PCNX2: variants seen among roughly 807,000 people sequenced by gnomAD.
PCNX2 encodes the protein pecanex 2.
In PCNX2, 168 loss-of-function variants were observed where a neutral mutation model predicts 223.8. That is an observed-to-expected ratio of 0.75 (90% CI 0.66 to 0.85). The LOEUF (loss-of-function observed/expected upper bound fraction) is 0.85, where lower values mean the gene tolerates loss of function less well. Ranked by LOEUF, PCNX2 falls within the 40% of genes least tolerant of loss-of-function variation. The pLI is 0.00. For missense variants in PCNX2, 2,507 were observed against 2,675.5 expected, an observed-to-expected ratio of 0.94 and a Z score of 1.39; for synonymous variants, 1,006 against 1,052.6, an observed-to-expected ratio of 0.96 and a Z score of 0.86.
At chr1:233,261,962 A>G in intron 3 of PCNX2, 83 bp downstream of exon 3, 1 of 1,563,656 alleles carries the variant, frequency 6.4e-7, no homozygotes, top group Non-Finnish European at 8.8e-7. Flanking sequence ...AGCTACAATC[A>G]CTGCTGCTGA....
intron 8 of PCNX2, chr1:233,241,269 T>A (rs1658746930): frequency 1.0e-6 from 1 of 985,242 alleles, no homozygotes; most frequent in Non-Finnish European, 1.2e-6. Context: ...CTGACTGCCA[T>A]CATGTGGCAG....
At chr1:233,038,868 A>G (rs777943203) in intron 25 of PCNX2, among the ~76,000 whole-genome samples, 11 of 152,254 alleles carry the variant, frequency 7.2e-5, no homozygotes, top group Non-Finnish European at 1.5e-4. Context: ...TAGCCAAACT[A>G]TGAGATGGCT....
rs772854704 is a variant in PCNX2, at chr1:232,998,434, G to A, written c.5608C>T (p.Arg1870Trp). Residue 1870 changes from arginine (R) to tryptophan (W), a missense_variant, in exon 32 of 34, where the codon CGG becomes TGG. Arg to Trp is a moderately radical substitution (Grantham distance 101, BLOSUM62 -3). Transcript: ENST00000258229. ...TWFWTKWVRM[R>W]KDCNARQHSG... ...TGCTGGCGGGCATTGCAATCCTTCC[G>A]CATCCTGTGGGAGGGAGAAGTCCTT... 17 of 1,610,842 alleles carry A rather than the reference G, an allele frequency of 1.1e-5. No individual in the cohort carries two copies. Among genetic ancestry groups the A allele is most frequent in the African/African-American group, 8.0e-5 (6 of 74,946 alleles).
chr1:233,075,815 T>C (rs962003700), intron 23 of PCNX2, among the ~76,000 whole-genome samples: 2 of 152,118 alleles, frequency 1.3e-5, no homozygotes, highest in Non-Finnish European at 2.9e-5. Context: ...AATTTGTATC[T>C]CTGATTCTAA....
intron 25 of PCNX2, among the ~76,000 whole-genome samples, chr1:233,038,020 A>C (rs1671517285): frequency 6.6e-6 from 1 of 152,238 alleles, no homozygotes; most frequent in South Asian, 2.1e-4. Flanking sequence ...TTTCCAGGGC[A>C]CTGATTCTCA....
chr1:233,135,553 A>C (rs1676755533), intron 20 of PCNX2, among the ~76,000 whole-genome samples: 1 of 152,208 alleles, frequency 6.6e-6, no homozygotes, highest in African/African-American at 2.4e-5. Flanking sequence ...GTCTGAATTC[A>C]CTACTGCAGT....
intron 23 of PCNX2, among the ~76,000 whole-genome samples, chr1:233,075,230 G>A (rs571085312): frequency 8.1e-4 from 123 of 152,224 alleles, no homozygotes; most frequent in Admixed American, 1.3e-3. Flanking sequence ...TCCATACCAC[G>A]GAACTACTCA....
chr1:233,311,868 C>T, the PCNX2 span, among the ~76,000 whole-genome samples: 1 of 152,056 alleles, frequency 6.6e-6, no homozygotes, highest in Non-Finnish European at 1.5e-5. Flanking sequence ...ACCTGTAATC[C>T]CAGCATTTTG....
At position 233,000,646 on chromosome 1, in the gene PCNX2, A is replaced by C. The variant is rs1670050855; in HGVS notation, c.5098-111T>G. The C allele has an allele frequency of 7.4e-6, 6 of 808,762 alleles. No individual in the cohort carries two copies. The highest frequency in any genetic ancestry group is 7.9e-6 in the Non-Finnish European group (4 of 508,466). The allele number at this position is 808,762 out of a possible 1,614,324, so 50.1% of individuals were successfully genotyped here. On this transcript the variant is annotated intron_variant, in intron 29 of 33. Coordinates refer to ENST00000258229, the MANE Select transcript of PCNX2 (RefSeq NM_014801.4). This position sits in a 1 kb window ranked among gnomAD's most constrained non-coding sequence, Gnocchi z 4.6. The stretch of plus-strand genomic sequence containing the variant: ...ACCTCCAAAGCTAAGCTCTTTCCTC[A>C]TCTTCCTCTCTCCTGTTCTTTTTCC...
intron 25 of PCNX2, chr1:233,033,038 C>G: frequency 1.0e-6 from 1 of 985,436 alleles, no homozygotes; most frequent in Non-Finnish European, 1.2e-6. Flanking sequence ...AGCATATTCC[C>G]TCCAAAGGAA....
intron 1 of PCNX2, among the ~76,000 whole-genome samples, chr1:233,286,523 G>A (rs930863626): frequency 6.6e-6 from 1 of 152,150 alleles, no homozygotes; most frequent in Non-Finnish European, 1.5e-5. Flanking sequence ...CTATGTACGC[G>A]AGAATCTGTA....
At chr1:233,211,008 G>A (rs1470638791) in intron 12 of PCNX2, among the ~76,000 whole-genome samples, 1 of 152,208 alleles carries the variant, frequency 6.6e-6, no homozygotes, top group African/African-American at 2.4e-5. Flanking sequence ...GGCAAGCAGT[G>A]GTGCCTGTGG....
At chr1:233,005,603 A>G (rs990855868) in intron 28 of PCNX2, among the ~76,000 whole-genome samples, 1 of 152,238 alleles carries the variant, frequency 6.6e-6, no homozygotes, top group Non-Finnish European at 1.5e-5. Context: ...CAGGGAAATT[A>G]TCCACAGCAC....
Position 232,991,985 on chromosome 1 carries a change from A to G in PCNX2, c.5792-5445T>C, listed in dbSNP as rs1444923553. Among the ~76,000 whole-genome samples the G allele has an allele frequency of 6.6e-6, 1 of 152,232 alleles. No individual in the cohort carries two copies. The highest frequency in any genetic ancestry group is 1.5e-5 in the Non-Finnish European group (1 of 68,050). On this transcript the variant is annotated intron_variant, in intron 32 of 33. Transcript: ENST00000258229. The surrounding 1 kb of genome is among the most constrained non-coding windows in gnomAD (Gnocchi z 4.3). ...CGTGAACTGATTTAAGTTTAAATAA[A>G]ATCACTCTGACTTGCTTTGTGGAGA...
intron 25 of PCNX2, among the ~76,000 whole-genome samples, chr1:233,028,139 A>G (rs1170318918): frequency 1.3e-5 from 2 of 152,200 alleles, no homozygotes; most frequent in Non-Finnish European, 2.9e-5. Flanking sequence ...ATTGAGAGCT[A>G]TTTGATGGCT....
chr1:233,047,916 A>G (rs1443231317), intron 25 of PCNX2, among the ~76,000 whole-genome samples: 1 of 152,162 alleles, frequency 6.6e-6, no homozygotes, highest in Non-Finnish European at 1.5e-5. Context: ...TACATTCCTC[A>G]TCTGTAAATG....
Position 233,250,779 on chromosome 1 carries a change from G to A in PCNX2, c.2182C>T (p.Gln728Ter), listed in dbSNP as rs1659405202. ...CAGTCATTATTTGATGGTAGAGGCT[G>A]TAAAGGGCCTTCTTTCTGATTTCCA... is the stretch of plus-strand genomic sequence containing the variant. ...KSGNQKEGPL[Q>*]PLPSNNDCLS... The change falls in exon 8 of 34, where the codon CAG (glutamine) becomes TAG (stop). Residue 728 changes from glutamine (Q) to a stop codon, truncating the protein, a stop_gained. Coordinates refer to ENST00000258229, the MANE Select transcript of PCNX2 (RefSeq NM_014801.4). LOFTEE classifies it high-confidence loss of function. 6.2e-7 allele frequency: 1 copy of A among 1,607,080 alleles called. No homozygotes were observed.
intron 25 of PCNX2, chr1:233,047,296 T>C: frequency 1.2e-6 from 1 of 811,736 alleles, no homozygotes; most frequent in South Asian, 5.6e-5. Flanking sequence ...GACCAGAACA[T>C]TTATTGTGCT....
chr1:233,031,307 C>T (rs1671254738), intron 25 of PCNX2, among the ~76,000 whole-genome samples: 1 of 152,164 alleles, frequency 6.6e-6, no homozygotes, highest in Non-Finnish European at 1.5e-5. Context: ...TCACCCACTC[C>T]CACCCCTATT....
Sources: gnomAD v4.1 joint callset for allele counts (sites outside exome capture counted in the v4.1 genomes callset) on GRCh38, gnomAD v4.1.1 for gene constraint, Gnocchi (gnomAD v3.1) non-coding constraint, MANE v1.5 for transcripts, NCBI Gene and HGNC (gene_info 2026-07-23, HGNC 2026-07-21) for gene names.